Variants in IFT140 observed in about 807,000 individuals in gnomAD.
IFT140 encodes the protein intraflagellar transport 140, also known as intraflagellar transport protein 140 homolog.
IFT140 carries 133 observed loss-of-function variants against 164.6 expected under a neutral mutation model. The ratio of observed to expected loss-of-function variants is 0.81; its 90% CI spans 0.70 to 0.93. The LOEUF is 0.93. IFT140 is among the 40% of genes least tolerant of loss of function. The pLI is 0.00. For synonymous variants in IFT140, 860 were observed against 817.3 expected (o/e 1.05, Z -0.89); for missense variants, 2,045 against 1,972.3 (o/e 1.04, Z -0.70).
intron 19 of IFT140, chr16:1,554,764 C>A (rs1368812897): frequency 1.2e-6 from 2 of 1,612,920 alleles, no homozygotes; most frequent in Non-Finnish European, 1.7e-6. Flanking sequence ...GGCCTCTCAA[C>A]CCTTCTCTCA....
chr16:1,511,964 A>G (rs1012229981), intron 30 of IFT140, among the ~76,000 whole-genome samples: 59 of 151,656 alleles, frequency 3.9e-4, no homozygotes, highest in African/African-American at 1.4e-3. Context: ...GGAGCTGACC[A>G]GGGTCGAAGA....
intron 19 of IFT140, chr16:1,534,266 G>A (rs753472773): frequency 9.9e-6 from 16 of 1,609,118 alleles, no homozygotes; most frequent in Middle Eastern, 1.7e-4. Context: ...CGGCGGCACC[G>A]GCGTCAGCGA....
chr16:1,562,354 C>A (rs959241084), intron 17 of IFT140, among the ~76,000 whole-genome samples: 2 of 152,118 alleles, frequency 1.3e-5, no homozygotes, highest in Non-Finnish European at 2.9e-5. Context: ...ACTGGACTCT[C>A]CCAAGTGACT....
chr16:1,530,383 G>A (rs965931902), intron 19 of IFT140, among the ~76,000 whole-genome samples: 2 of 151,830 alleles, frequency 1.3e-5, no homozygotes, highest in African/African-American at 2.4e-5. Context: ...TGCTCGCCTC[G>A]GTCTCCCAAA....
intron 26 of IFT140, among the ~76,000 whole-genome samples, chr16:1,521,039 T>G (rs1567324430): frequency 6.6e-6 from 1 of 152,222 alleles, no homozygotes; most frequent in African/African-American, 2.4e-5. Context: ...AAGGAAACAA[T>G]AGTCTCAAGT....
intron 22 of IFT140, 110 bp downstream of exon 22, chr16:1,525,121 G>A (rs2040645543): frequency 8.6e-7 from 1 of 1,164,768 alleles, no homozygotes; most frequent in Non-Finnish European, 1.2e-6. Flanking sequence ...GGAGGACGCT[G>A]CCCACTCGTG....
chr16:1,560,443 A>G (rs1053976196), intron 18 of IFT140, among the ~76,000 whole-genome samples: 1 of 152,244 alleles, frequency 6.6e-6, no homozygotes, highest in Non-Finnish European at 1.5e-5. Context: ...CGAGGACCAG[A>G]GGCCAGCACA....
chr16:1,597,069 C>G (rs926818251), intron 4 of IFT140, among the ~76,000 whole-genome samples: 2 of 152,130 alleles, frequency 1.3e-5, no homozygotes, highest in African/African-American at 4.8e-5. Flanking sequence ...ATCACGGCAT[C>G]AGAGTGCGAG....
intron 19 of IFT140, among the ~76,000 whole-genome samples, chr16:1,545,448 A>G (rs1028447384): frequency 6.6e-6 from 1 of 152,192 alleles, no homozygotes; most frequent in Non-Finnish European, 1.5e-5. Flanking sequence ...GACTTGTTTC[A>G]TTGACAAACA....
chr16:1,541,150 C>G, intron 19 of IFT140: 5 of 985,442 alleles, frequency 5.1e-6, no homozygotes, highest in Non-Finnish European at 6.0e-6. Context: ...CCACCTGGCT[C>G]CTGCAACCAG....
At chr16:1,592,419 CCCCGATGTA>C (rs775342539) in intron 5 of IFT140, 39 bp downstream of exon 5, 1 of 1,611,468 alleles carries the variant, frequency 6.2e-7, no homozygotes, top group African/African-American at 1.3e-5. Context: ...TTCCCACCTC[CCCCGATGTA>C]AACACACACA....
At chr16:1,596,165 C>A (rs148959825) in intron 4 of IFT140, among the ~76,000 whole-genome samples, 216 of 146,922 alleles carry the variant, frequency 1.5e-3, no homozygotes, top group African/African-American at 5.2e-3. Flanking sequence ...AAACCCCCCA[C>A]CTAATGATAG....
chr16:1,581,119 T>A (rs1370864595), intron 12 of IFT140, among the ~76,000 whole-genome samples: 2 of 152,136 alleles, frequency 1.3e-5, no homozygotes, highest in Non-Finnish European at 2.9e-5. Flanking sequence ...CCTTCACCCC[T>A]CCCATCTGGC....
At chr16:1,537,726 G>A (rs1365293623) in intron 19 of IFT140, among the ~76,000 whole-genome samples, 1 of 152,206 alleles carries the variant, frequency 6.6e-6, no homozygotes, top group East Asian at 1.9e-4. Context: ...TATTTCGTGC[G>A]TTCTGTCAGG....
chr16:1,589,475 T>G (rs2035062963), intron 7 of IFT140, 130 bp downstream of exon 7: 4 of 830,540 alleles, frequency 4.8e-6, no homozygotes, highest in Non-Finnish European at 7.7e-6. Flanking sequence ...CTAGCTACGT[T>G]AGCCGCCCTA....
intron 12 of IFT140, among the ~76,000 whole-genome samples, chr16:1,581,578 T>C (rs565730507): frequency 6.3e-5 from 9 of 143,590 alleles, no homozygotes; most frequent in African/African-American, 2.2e-4. Context: ...CCAGCCTGGG[T>C]GACACAGCAA....
chr16:1,525,436 G>GT, intron 21 of IFT140, 110 bp from the exon 22 acceptor site: 1 of 810,100 alleles, frequency 1.2e-6, no homozygotes. Context: ...TGGCCCTCGG[G>GT]GTGTGTGCTC....
intron 17 of IFT140, among the ~76,000 whole-genome samples, chr16:1,562,896 C>T (rs539738950): frequency 1.3e-5 from 2 of 152,306 alleles, no homozygotes; most frequent in South Asian, 2.1e-4. Context: ...TGCACAGAAG[C>T]AGAACAAGCA....
intron 19 of IFT140, among the ~76,000 whole-genome samples, chr16:1,556,866 G>A (rs2033120750): frequency 6.6e-6 from 1 of 152,192 alleles, no homozygotes; most frequent in African/African-American, 2.4e-5. Context: ...CTGGAGTGCA[G>A]TGGCGTGATC....
Sources: allele counts gnomAD v4.1 joint callset (sites outside exome capture counted in the v4.1 genomes callset), GRCh38; gene constraint gnomAD v4.1.1; transcripts MANE v1.5; gene names NCBI Gene and HGNC (gene_info 2026-07-23, HGNC 2026-07-21).